Variants in DCLK1 observed in about 807,000 individuals in gnomAD.
The protein encoded by DCLK1 is doublecortin like kinase 1, also known as serine/threonine-protein kinase DCLK1.
In DCLK1, 16 loss-of-function variants were observed where a neutral mutation model predicts 86.2. The observed-to-expected ratio is 0.19, with a 90% CI of 0.13 to 0.28. The LOEUF (loss-of-function observed/expected upper bound fraction) is 0.28. Ranked by LOEUF, DCLK1 falls within the 10% of genes least tolerant of loss-of-function variation. DCLK1 has a pLI of 1.00. For missense variants in DCLK1, 590 were observed against 940.2 expected (o/e 0.63, Z 4.87); for synonymous variants, 369 against 370.5 (o/e 1.00, Z 0.05).
At chr13:36,061,051 T>A (rs1032579798) in intron 3 of DCLK1, among the ~76,000 whole-genome samples, 8 of 152,138 alleles carry the variant, frequency 5.3e-5, no homozygotes, top group Non-Finnish European at 1.0e-4. Context: ...GTAAGGGGGA[T>A]GGGGTCACAC....
At chr13:35,800,576 G>A (rs2086898711) in intron 15 of DCLK1, among the ~76,000 whole-genome samples, 1 of 152,206 alleles carries the variant, frequency 6.6e-6, no homozygotes, top group Admixed American at 6.5e-5. Context: ...CCCAGGACGT[G>A]TGAAAAATAA....
At chr13:36,066,610 GTGA>G (rs1479465844) in intron 3 of DCLK1, among the ~76,000 whole-genome samples, 1 of 152,022 alleles carries the variant, frequency 6.6e-6, no homozygotes, top group Non-Finnish European at 1.5e-5. Flanking sequence ...TATCATCAGA[GTGA>G]ACAGGCAACC....
intron 3 of DCLK1, among the ~76,000 whole-genome samples, chr13:36,106,485 A>G (rs1382427072): frequency 6.6e-6 from 1 of 152,246 alleles, no homozygotes; most frequent in African/African-American, 2.4e-5. Context: ...GACATTTTAA[A>G]GTGTAAGCTA....
At chr13:36,042,265 A>T (rs1882725788) in intron 3 of DCLK1, among the ~76,000 whole-genome samples, 1 of 152,210 alleles carries the variant, frequency 6.6e-6, no homozygotes, top group Non-Finnish European at 1.5e-5. Flanking sequence ...TTATTAAATT[A>T]TGTCTGTCTG....
chr13:35,807,735 T>C (rs1255897800), intron 14 of DCLK1, among the ~76,000 whole-genome samples: 3 of 152,222 alleles, frequency 2.0e-5, no homozygotes, highest in Non-Finnish European at 4.4e-5. Flanking sequence ...GGTAGTTAGA[T>C]AGCACACCAG....
intron 3 of DCLK1, among the ~76,000 whole-genome samples, chr13:36,083,674 G>A (rs1474425844): frequency 6.6e-6 from 1 of 152,038 alleles, no homozygotes; most frequent in Admixed American, 6.6e-5. Flanking sequence ...ATTCCTCCAG[G>A]AACAATCTTT....
chr13:35,925,696 C>T (rs1876074578), intron 4 of DCLK1, among the ~76,000 whole-genome samples: 2 of 152,220 alleles, frequency 1.3e-5, no homozygotes, highest in African/African-American at 2.4e-5. Context: ...TCAAGAACTA[C>T]CTTTTGTGTG....
intron 4 of DCLK1, among the ~76,000 whole-genome samples, chr13:35,934,207 C>A (rs1876626471): frequency 1.3e-5 from 2 of 152,176 alleles, no homozygotes; most frequent in Admixed American, 6.6e-5. Context: ...TATCACCAAA[C>A]TTTCCCACAT....
At chr13:36,105,340 G>T (rs1885354219) in intron 3 of DCLK1, among the ~76,000 whole-genome samples, 1 of 152,112 alleles carries the variant, frequency 6.6e-6, no homozygotes, top group Non-Finnish European at 1.5e-5. Flanking sequence ...TTTGTTAAGT[G>T]TCAGCTTTTC....
rs141143462 is a variant in DCLK1, at chr13:36,053,142, C to T, written c.723+58727G>A. On this transcript the variant is annotated intron_variant, in intron 3 of 16. Coordinates refer to ENST00000360631, the MANE Select transcript of DCLK1 (RefSeq NM_001330071.2). Reference sequence around the variant, plus strand: ...AAGTAAACAAGTATTAAAAGGAATGCTATATTTAAGGCTGCCTGATCTTTC... The same window carrying T: ...AAGTAAACAAGTATTAAAAGGAATGTTATATTTAAGGCTGCCTGATCTTTC... 1.4e-4 allele frequency among the ~76,000 whole-genome samples: 22 copies of T among 152,224 alleles called. No homozygotes were observed. In the East Asian group the frequency reaches 2.9e-3, roughly 20 times the overall value.
At chr13:35,890,879 T>TG (rs971380935) in intron 4 of DCLK1, among the ~76,000 whole-genome samples, 3 of 39,300 alleles carry the variant, frequency 7.6e-5, no homozygotes, top group Admixed American at 3.9e-4. Flanking sequence ...CTTTTTTTTC[T>TG]GTTTTTTTTT....
intron 3 of DCLK1, among the ~76,000 whole-genome samples, chr13:36,110,557 T>C (rs2138186893): frequency 6.6e-6 from 1 of 152,322 alleles, no homozygotes; most frequent in East Asian, 1.9e-4. Context: ...TTAGCATCTA[T>C]TTCTAATTCA....
At chr13:35,955,347 C>T (rs1023890786) in intron 3 of DCLK1, among the ~76,000 whole-genome samples, 1 of 152,068 alleles carries the variant, frequency 6.6e-6, no homozygotes, top group African/African-American at 2.4e-5. Context: ...AGTTCAAGAT[C>T]GAGGCACCAG....
intron 1 of DCLK1, among the ~76,000 whole-genome samples, chr13:36,130,520 C>T (rs1007885822): frequency 6.6e-6 from 1 of 152,160 alleles, no homozygotes; most frequent in Non-Finnish European, 1.5e-5. Flanking sequence ...ATGCCATTTC[C>T]TCTCCGCAAG....
At chr13:35,955,174 G>C (rs1877912563) in intron 3 of DCLK1, among the ~76,000 whole-genome samples, 1 of 151,844 alleles carries the variant, frequency 6.6e-6, no homozygotes, top group South Asian at 2.1e-4. Flanking sequence ...TATTCTAAAT[G>C]ATTCATCCTT....
At chr13:35,828,968 T>TGAACTCATAG (rs1226645149) in intron 8 of DCLK1, among the ~76,000 whole-genome samples, 1 of 152,122 alleles carries the variant, frequency 6.6e-6, no homozygotes, top group African/African-American at 2.4e-5. Flanking sequence ...TCATAGATGA[T>TGAACTCATAG]ATGGTCAAGG....
At chr13:35,827,439 A>T (rs9531098) in intron 10 of DCLK1, among the ~76,000 whole-genome samples, 196 bp downstream of exon 10, 80,083 of 151,928 alleles carry the variant, frequency 0.53, 21,966 homozygotes, top group Non-Finnish European at 0.6. Context: ...GTAGACCCAA[A>T]GTCATGGGCC....
chr13:36,049,423 G>T (rs1297241823), intron 3 of DCLK1, among the ~76,000 whole-genome samples: 1 of 152,138 alleles, frequency 6.6e-6, no homozygotes, highest in Non-Finnish European at 1.5e-5. Flanking sequence ...TTGTTGCATA[G>T]ATCCCTTCCA....
chr13:35,806,451 G>A (rs2087029732), intron 14 of DCLK1, among the ~76,000 whole-genome samples: 1 of 152,154 alleles, frequency 6.6e-6, no homozygotes, highest in Admixed American at 6.5e-5. Flanking sequence ...AGCTCAAATG[G>A]ACTTGGACCA....
Sources: allele counts gnomAD v4.1 joint callset (sites outside exome capture counted in the v4.1 genomes callset), GRCh38; gene constraint gnomAD v4.1.1; transcripts MANE v1.5; gene names NCBI Gene and HGNC (gene_info 2026-07-23, HGNC 2026-07-21).